DLGAP2: variants seen among roughly 807,000 people sequenced by gnomAD.
The protein encoded by DLGAP2 is DLG associated protein 2.
A neutral mutation model predicts 100.3 loss-of-function variants in DLGAP2; 26 were observed. The observed-to-expected ratio is 0.26, with a 90% confidence interval of 0.19 to 0.36. The LOEUF is 0.36. Among genes scored for constraint, DLGAP2 ranks in the 10% least tolerant of loss-of-function variants. The pLI is 1.00. For missense variants in DLGAP2, 1,858 were observed against 1,453.2 expected (o/e 1.28, Z -4.53); for synonymous variants, 886 against 630.1 (o/e 1.41, Z -6.08).
chr8:1,584,150 T>G (rs58631860), intron 6 of DLGAP2, among the ~76,000 whole-genome samples: 86,712 of 152,070 alleles, frequency 0.57, 25,566 homozygotes, highest in African/African-American at 0.73. Flanking sequence ...TATGTGCTCC[T>G]CACACACTGG....
chr8:1,675,429 C>T (rs1283838135), intron 10 of DLGAP2, among the ~76,000 whole-genome samples: 1 of 152,244 alleles, frequency 6.6e-6, no homozygotes, highest in Non-Finnish European at 1.5e-5. Flanking sequence ...GAACCTCAGC[C>T]TAGTGCCTGG....
intron 3 of DLGAP2, among the ~76,000 whole-genome samples, chr8:1,311,573 G>C (rs1800615188): frequency 1.3e-5 from 2 of 152,182 alleles, no homozygotes; most frequent in Admixed American, 6.5e-5. Context: ...AAAAGGTTTA[G>C]ACTTGTCATC....
chr8:1,033,966 G>A (rs74378132), intron 2 of DLGAP2, among the ~76,000 whole-genome samples: 4 of 126,388 alleles, frequency 3.2e-5, no homozygotes, highest in African/African-American at 6.2e-5. Context: ...TCCCGACCCC[G>A]CGTGTCACCG....
At chr8:916,599 A>G (rs1472808088) in intron 2 of DLGAP2, among the ~76,000 whole-genome samples, 3 of 152,236 alleles carry the variant, frequency 2.0e-5, no homozygotes, top group African/African-American at 7.2e-5. Context: ...TGGCACATGT[A>G]TACATATGTA....
chr8:1,619,128 G>C (rs1797248988), intron 6 of DLGAP2, among the ~76,000 whole-genome samples: 1 of 152,194 alleles, frequency 6.6e-6, no homozygotes, highest in African/African-American at 2.4e-5. Context: ...TGCAGAATAT[G>C]TCAAGAACTC....
At chr8:1,323,619 G>A (rs1490664312) in intron 3 of DLGAP2, among the ~76,000 whole-genome samples, 1 of 152,228 alleles carries the variant, frequency 6.6e-6, no homozygotes, top group Non-Finnish European at 1.5e-5. Flanking sequence ...ATGCAGATAC[G>A]GAGCGGGCAG....
chr8:915,898 T>TTTA, intron 2 of DLGAP2, among the ~76,000 whole-genome samples: 1 of 151,632 alleles, frequency 6.6e-6, no homozygotes, highest in East Asian at 1.9e-4. Flanking sequence ...TTTCCGTGTG[T>TTTA]GTTAACCATG....
At chr8:1,599,117 G>C (rs538901094) in intron 6 of DLGAP2, among the ~76,000 whole-genome samples, 4 of 152,024 alleles carry the variant, frequency 2.6e-5, no homozygotes, top group African/African-American at 9.7e-5. Flanking sequence ...CCTTAATTTC[G>C]TTATTTACCC....
intron 1 of DLGAP2, among the ~76,000 whole-genome samples, chr8:855,237 A>G (rs1170324260): frequency 1.3e-5 from 2 of 152,128 alleles, no homozygotes; most frequent in Non-Finnish European, 2.9e-5. Context: ...TACGCTTTTC[A>G]TTTCCTTTCT....
At chr8:1,475,656 C>G (rs1798910450) in intron 3 of DLGAP2, among the ~76,000 whole-genome samples, 2 of 152,194 alleles carry the variant, frequency 1.3e-5, no homozygotes, top group South Asian at 4.1e-4. Context: ...CCGGGACCCA[C>G]CGCAAGGCCG....
chr8:771,252 G>A (rs1485299252), intron 1 of DLGAP2, among the ~76,000 whole-genome samples: 1 of 152,168 alleles, frequency 6.6e-6, no homozygotes, highest in Non-Finnish European at 1.5e-5. Context: ...TTGTGCAAAT[G>A]CTCAAAACTA....
intron 2 of DLGAP2, among the ~76,000 whole-genome samples, chr8:945,492 G>A (rs1237978406): frequency 1.3e-5 from 2 of 152,134 alleles, no homozygotes; most frequent in South Asian, 2.1e-4. Context: ...CTAAACTCAC[G>A]AAGAATGAGG....
Position 1,704,261 on chromosome 8 carries a change from T to G in DLGAP2, c.*2855T>G, listed in dbSNP as rs1168880633. 2 of 152,274 alleles carry G rather than the reference T, an allele frequency of 1.3e-5. No individual in the cohort carries two copies. The highest frequency in any genetic ancestry group is 3.8e-4 in the East Asian group (2 of 5,202). The allele number at this position is 152,274 out of a possible 1,614,324, so 9.4% of individuals were successfully genotyped here. A position where few individuals can be genotyped will look rare whatever the true frequency, so the allele number is the denominator to read the frequency against. On this transcript the variant is annotated 3_prime_UTR_variant, in exon 15 of 15. Transcript: ENST00000637795. ...AGAACACGGCTGAAAATTATTGTGC[T>G]GTTCTAGGAACATCATCCTAGAGAG... is the stretch of plus-strand genomic sequence containing the variant.
In DLGAP2 at chr8:1,027,002, A is replaced by G. The variant is rs142299488; in HGVS notation, c.73+119036A>G. On this transcript the variant is annotated intron_variant, in intron 2 of 14. Transcript: ENST00000637795. ...ACGCTTAAAAGTTAACCAAATAAGA[A>G]TCACATTTGAAAAGTTAGAAGTAAT... Among the ~76,000 whole-genome samples, 739 of 152,370 alleles carry G rather than the reference A, an allele frequency of 4.9e-3. 5 individuals are homozygous for G. The highest frequency in any genetic ancestry group is 0.017 in the African/African-American group (704 of 41,588).
intron 8 of DLGAP2, among the ~76,000 whole-genome samples, chr8:1,639,915 G>C (rs1469897992): frequency 6.6e-6 from 1 of 152,146 alleles, no homozygotes; most frequent in East Asian, 1.9e-4. Context: ...GGATGATCCA[G>C]GATCATCTCC....
At chr8:1,147,383 ATTT>A (rs1381938241) in intron 2 of DLGAP2, among the ~76,000 whole-genome samples, 1 of 151,998 alleles carries the variant, frequency 6.6e-6, no homozygotes, top group Non-Finnish European at 1.5e-5. Flanking sequence ...TTTATGTATT[ATTT>A]AACTCTATTT....
At chr8:1,650,103 T>C (rs761392093) in intron 8 of DLGAP2, among the ~76,000 whole-genome samples, 7 of 152,230 alleles carry the variant, frequency 4.6e-5, no homozygotes, top group Non-Finnish European at 1.0e-4. Context: ...CTTTCTGTAA[T>C]AAAAACGAGT....
chr8:928,812 C>A (rs922228809), intron 2 of DLGAP2, among the ~76,000 whole-genome samples: 3 of 151,946 alleles, frequency 2.0e-5, no homozygotes, highest in Non-Finnish European at 2.9e-5. Flanking sequence ...TTTTCTGTTG[C>A]GAAGCCTGAT....
chr8:774,294 G>A (rs1391740728), intron 1 of DLGAP2, among the ~76,000 whole-genome samples: 4 of 152,110 alleles, frequency 2.6e-5, no homozygotes, highest in African/African-American at 9.7e-5. Flanking sequence ...CCCATTTTGT[G>A]AGTTGCCTGT....
Sources: gnomAD v4.1 joint callset for allele counts (sites outside exome capture counted in the v4.1 genomes callset) on GRCh38, gnomAD v4.1.1 for gene constraint, MANE v1.5 for transcripts, NCBI Gene and HGNC (gene_info 2026-07-23, HGNC 2026-07-21) for gene names.